The following NKAIN2 variants were observed in gnomAD, a reference collection of about 807,000 sequenced individuals.
NKAIN2 encodes the protein sodium/potassium transporting ATPase interacting 2, also known as sodium/potassium-transporting ATPase subunit beta-1-interacting protein 2.
Under a neutral mutation model 32.6 loss-of-function variants are expected in NKAIN2, and 14 were observed. The ratio of observed to expected loss-of-function variants is 0.43; its 90% confidence interval spans 0.28 to 0.67. The LOEUF (loss-of-function observed/expected upper bound fraction) is 0.67, where lower values mean the gene tolerates loss of function less well. Among genes scored for constraint, NKAIN2 ranks in the 30% least tolerant of loss-of-function variants. The probability of loss-of-function intolerance (pLI) is 0.17; values close to 1 mark genes in which losing one functional copy is unlikely to be tolerated. For synonymous variants in NKAIN2, 80 were observed against 87.2 expected (o/e 0.92, Z 0.46); for missense variants, 198 against 258.3 (o/e 0.77, Z 1.60).
At chr6:123,984,202 C>T (rs866600888) in intron 1 of NKAIN2, among the ~76,000 whole-genome samples, 43 of 152,100 alleles carry the variant, frequency 2.8e-4, no homozygotes, top group African/African-American at 9.9e-4. Context: ...TCACCGCGCC[C>T]GGCCAGACTC....
chr6:123,835,076 T>A (rs961090854), intron 1 of NKAIN2, among the ~76,000 whole-genome samples: 1 of 152,202 alleles, frequency 6.6e-6, no homozygotes, highest in African/African-American at 2.4e-5. Context: ...TCTAGCCTTT[T>A]AGAAGGAATG....
At chr6:124,225,090 A>G (rs1339817078) in intron 1 of NKAIN2, among the ~76,000 whole-genome samples, 2 of 152,080 alleles carry the variant, frequency 1.3e-5, no homozygotes, top group East Asian at 3.8e-4. Flanking sequence ...GAGTTTCAAT[A>G]TAGATTGCTT....
chr6:124,722,823 A>G (rs1407432553), intron 4 of NKAIN2, among the ~76,000 whole-genome samples: 2 of 152,220 alleles, frequency 1.3e-5, no homozygotes, highest in Admixed American at 6.5e-5. Flanking sequence ...CAGTTTCTCC[A>G]CATCTTTGTC....
At chr6:124,300,396 A>G (rs1796245603) in intron 2 of NKAIN2, among the ~76,000 whole-genome samples, 1 of 152,182 alleles carries the variant, frequency 6.6e-6, no homozygotes, top group South Asian at 2.1e-4. Flanking sequence ...CTGTGAGTCA[A>G]TTAAACCTCT....
At chr6:124,332,334 A>C (rs1486804547) in intron 2 of NKAIN2, among the ~76,000 whole-genome samples, 1 of 152,092 alleles carries the variant, frequency 6.6e-6, no homozygotes, top group Non-Finnish European at 1.5e-5. Context: ...TGGTGCTTGC[A>C]GAGCACTCTT....
intron 4 of NKAIN2, among the ~76,000 whole-genome samples, chr6:124,788,220 A>T (rs1779588720): frequency 2.0e-5 from 3 of 152,100 alleles, no homozygotes; most frequent in African/African-American, 7.2e-5. Flanking sequence ...ATGTCTAGAG[A>T]TATTTTTATT....
At chr6:124,202,257 G>C (rs924849618) in intron 1 of NKAIN2, among the ~76,000 whole-genome samples, 1 of 151,918 alleles carries the variant, frequency 6.6e-6, no homozygotes, top group African/African-American at 2.4e-5. Flanking sequence ...ACTTTATTCT[G>C]TAAGTCCCAC....
chr6:123,830,420 C>G (rs907214578), intron 1 of NKAIN2, among the ~76,000 whole-genome samples: 2 of 152,150 alleles, frequency 1.3e-5, no homozygotes, highest in Non-Finnish European at 2.9e-5. Flanking sequence ...CCTTCCCTGT[C>G]TCACTCCCCT....
At chr6:124,288,610 T>C (rs2626117) in intron 2 of NKAIN2, among the ~76,000 whole-genome samples, 51,984 of 152,070 alleles carry the variant, frequency 0.34, 13,880 homozygotes, top group African/African-American at 0.75. Context: ...TTATTCTTTT[T>C]CTATAGCACC....
intron 1 of NKAIN2, among the ~76,000 whole-genome samples, chr6:123,820,440 C>T (rs570627333): frequency 6.6e-6 from 1 of 152,124 alleles, no homozygotes; most frequent in East Asian, 1.9e-4. Context: ...AATAAGATGC[C>T]TGTATTATAA....
Position 124,544,885 on chromosome 6 carries a change from A to G in NKAIN2, c.274-113301A>G, listed in dbSNP as rs539096246. On this transcript the variant is annotated intron_variant, in intron 3 of 6. Transcript: ENST00000368417. ...ACTTCCCCGGAAAATTTTTTTGGGGATCTCTAGATGAAGGTAAATATAATT... is the reference window on the plus strand; with the variant it reads ...ACTTCCCCGGAAAATTTTTTTGGGGGTCTCTAGATGAAGGTAAATATAATT... 4.6e-5 allele frequency among the ~76,000 whole-genome samples: 7 copies of G among 152,226 alleles called. No individual in the cohort carries two copies. In the East Asian group the frequency reaches 1.4e-3, roughly 29 times the overall value.
At chr6:124,010,115 G>A (rs994220389) in intron 1 of NKAIN2, among the ~76,000 whole-genome samples, 54 of 152,298 alleles carry the variant, frequency 3.5e-4, no homozygotes, top group Admixed American at 2.2e-3. Context: ...TTAAGGAAGA[G>A]CAATGTCTTT....
At chr6:124,042,195 C>T (rs1781902867) in intron 1 of NKAIN2, among the ~76,000 whole-genome samples, 1 of 152,104 alleles carries the variant, frequency 6.6e-6, no homozygotes, top group South Asian at 2.1e-4. Flanking sequence ...CCACCTGCCC[C>T]TCAAACTATT....
chr6:124,440,387 AACTTAT>A (rs1775638057), intron 3 of NKAIN2, among the ~76,000 whole-genome samples: 1 of 152,108 alleles, frequency 6.6e-6, no homozygotes, highest in Admixed American at 6.6e-5. Flanking sequence ...TCAAGACCAT[AACTTAT>A]ACTTTCACCA....
At chr6:124,172,372 A>G (rs1788936186) in intron 1 of NKAIN2, among the ~76,000 whole-genome samples, 1 of 152,190 alleles carries the variant, frequency 6.6e-6, no homozygotes, top group African/African-American at 2.4e-5. Context: ...AATATATTCC[A>G]TGAATTTTGA....
At chr6:124,325,704 A>G (rs956543782) in intron 2 of NKAIN2, among the ~76,000 whole-genome samples, 1 of 152,166 alleles carries the variant, frequency 6.6e-6, no homozygotes, top group Non-Finnish European at 1.5e-5. Context: ...CTATATTGAC[A>G]TAATCAGAAC....
intron 3 of NKAIN2, among the ~76,000 whole-genome samples, chr6:124,603,057 T>C (rs1256410184): frequency 6.6e-6 from 1 of 151,992 alleles, no homozygotes; most frequent in Non-Finnish European, 1.5e-5. Flanking sequence ...AGAGCATTTA[T>C]AATATGTGCT....
chr6:123,998,095 C>T (rs1779706507), intron 1 of NKAIN2, among the ~76,000 whole-genome samples: 1 of 152,074 alleles, frequency 6.6e-6, no homozygotes, highest in South Asian at 2.1e-4. Context: ...AGGTTTTACT[C>T]CTTAAATAAC....
At chr6:124,793,775 G>GA (rs746930540) in intron 5 of NKAIN2, among the ~76,000 whole-genome samples, 1 of 151,422 alleles carries the variant, frequency 6.6e-6, no homozygotes, top group Non-Finnish European at 1.5e-5. Flanking sequence ...AGTACTGCCA[G>GA]AAAAAAGTAT....
Sources: allele counts gnomAD v4.1 joint callset (sites outside exome capture counted in the v4.1 genomes callset), GRCh38; gene constraint gnomAD v4.1.1; transcripts MANE v1.5; gene names NCBI Gene and HGNC (gene_info 2026-07-23, HGNC 2026-07-21).